The following LILRB3 variants were observed in gnomAD, a reference collection of about 807,000 sequenced individuals.
LILRB3 encodes the protein leukocyte immunoglobulin like receptor B3, also known as leukocyte immunoglobulin-like receptor subfamily B member 3.
A neutral mutation model predicts 68.2 loss-of-function variants in LILRB3; 32 were observed. The observed-to-expected ratio is 0.47, with a 90% CI of 0.35 to 0.63. The LOEUF is 0.63. LILRB3 is among the 30% of genes least tolerant of loss of function. The pLI, the probability that LILRB3 is intolerant of heterozygous loss-of-function variation, is 0.00. For missense variants in LILRB3, 502 were observed against 791.3 expected (o/e 0.63, Z 4.39); for synonymous variants, 185 against 323.1 (o/e 0.57, Z 4.58).
At chr19:54,219,580 C>G in intron 7 of LILRB3, 2 of 1,547,294 alleles carry the variant, frequency 1.3e-6, no homozygotes, top group Non-Finnish European at 1.7e-6. Flanking sequence ...CCCTCCCCTG[C>G]CCCAGGTCAC....
intron 9 of LILRB3, 40 bp from the exon 10 acceptor site, chr19:54,218,722 C>T (rs2147255930): frequency 1.2e-6 from 2 of 1,614,074 alleles, no homozygotes; most frequent in Non-Finnish European, 1.7e-6. Context: ...AGTGTATGGG[C>T]TGTGGTGGGT....
chr19:54,219,910 T>C lies in LILRB3; in HGVS notation c.1309+245A>G. 1.9e-6 allele frequency: 3 copies of C among 1,544,412 alleles called. No individual in the cohort carries two copies. The South Asian group carries it at 3.6e-5, about 18-fold the overall frequency. ...CCCTGGGGGGTTAAGGGGCTGGTCC[T>C]CAGGACCTCCTGGGTCAGGACAGGG... On this transcript the variant is annotated intron_variant, in intron 7 of 12. Coordinates refer to ENST00000445347, the Ensembl canonical transcript of LILRB3.
chr19:54,217,675 G>T (rs1304471606), intron 11 of LILRB3: 2 of 960,324 alleles, frequency 2.1e-6, no homozygotes, highest in East Asian at 2.6e-5. Flanking sequence ...TGCCCATTTG[G>T]CTGCAGCCTC....
exon 13 of LILRB3, chr19:54,216,496 G>C (rs1253640466): frequency 1.9e-5 from 7 of 373,310 alleles, no homozygotes; most frequent in Non-Finnish European, 2.6e-5. Context: ...ATTTTTAGTA[G>C]AGACGGGGTT....
chr19:54,218,574 C>G lies in LILRB3; in HGVS notation c.1540+71G>C, dbSNP rs201622263. The G allele has an allele frequency of 1.8e-5, 29 of 1,611,794 alleles. No individual in the cohort carries two copies. The East Asian group carries it at 6.5e-4, about 36-fold the overall frequency. The stretch of plus-strand genomic sequence containing the variant: ...GAGCCCCAGACCCTTCCCAGCCCCT[C>G]CCTGTTGCTACTGAAATTTTGGGAC... On this transcript the variant is annotated intron_variant, in intron 10 of 12. Transcript: ENST00000445347.
At chr19:54,219,547 C>G (rs568579830) in intron 7 of LILRB3, 4 of 1,550,420 alleles carry the variant, frequency 2.6e-6, no homozygotes, top group East Asian at 2.4e-5. Flanking sequence ...AGAGCCTGAC[C>G]GTCCTGAACC....
chr19:54,218,644 C>T lies in LILRB3; in HGVS notation c.1540+1G>A. On this transcript the variant is annotated splice_donor_variant, in intron 10 of 12. Transcript: ENST00000445347. LOFTEE classifies it high-confidence loss of function. ...CCATTTGTCCCCTCTCTTCCTCTTACAGAGGTTTTCTTCCTGGACGTCAGC... is the reference window on the plus strand; with the variant it reads ...CCATTTGTCCCCTCTCTTCCTCTTATAGAGGTTTTCTTCCTGGACGTCAGC... 2.5e-6 allele frequency: 4 copies of T among 1,614,190 alleles called. No homozygotes were observed. Among genetic ancestry groups the T allele is most frequent in the Non-Finnish European group, 3.4e-6 (4 of 1,180,032 alleles).
intron 7 of LILRB3, chr19:54,219,690 G>C (rs758789383): frequency 2.0e-6 from 2 of 984,976 alleles, no homozygotes; most frequent in Admixed American, 6.1e-5. Context: ...CTGGGGGTCA[G>C]AGCTGAAAGG....
Position 54,217,311 on chromosome 19 carries a change from G to A in LILRB3, c.1749+8C>T, listed in dbSNP as rs563495159. ...GAGGCCTGGGGGCCTGGAGAGGAAA[G>A]GACTCACCTCAGTGTCCATCTGCCT... On this transcript the variant is annotated splice_region_variant and intron_variant, in intron 12 of 12. Transcript: ENST00000445347. The A allele has an allele frequency of 6.9e-5, 109 of 1,590,420 alleles. 2 individuals carry two copies. In the Middle Eastern group the frequency reaches 1.2e-3, roughly 17 times the overall value.
At chr19:54,219,142 T>C in exon 8 of LILRB3, 1 of 1,601,988 alleles carries the variant, frequency 6.2e-7, no homozygotes, top group Non-Finnish European at 8.5e-7. Flanking sequence ...ATGTCCTGTG[T>C]TTGCTGTGAC....
At chr19:54,216,897 TGC>T in exon 13 of LILRB3, 3 of 1,439,146 alleles carry the variant, frequency 2.1e-6, no homozygotes, top group Non-Finnish European at 2.7e-6. Context: ...AGAAGTCTGT[TGC>T]TTTATTTCCA....
At chr19:54,216,829 C>A in exon 13 of LILRB3, 1 of 1,363,278 alleles carries the variant, frequency 7.3e-7, no homozygotes, top group Non-Finnish European at 9.5e-7. Context: ...AGTACCACAC[C>A]CGGCCTTTAC....
intron 7 of LILRB3, 93 bp from the exon 8 acceptor site, chr19:54,219,338 C>A (rs2077838786): frequency 1.4e-6 from 2 of 1,480,044 alleles, no homozygotes; most frequent in East Asian, 4.9e-5. Context: ...TCGTGACCTC[C>A]AACCCTCACA....
chr19:54,219,274 T>C, intron 7 of LILRB3, 29 bp from the exon 8 acceptor site: 3 of 1,520,076 alleles, frequency 2.0e-6, no homozygotes, highest in Non-Finnish European at 2.6e-6. Flanking sequence ...GGAGTGGGAA[T>C]GATGTCATTG....
chr19:54,217,128 C>T (rs1340439329), exon 13 of LILRB3: 1 of 1,614,174 alleles, frequency 6.2e-7, no homozygotes, highest in South Asian at 1.1e-5. Context: ...ATGCTGGGCT[C>T]AGCTGGAGGT....
exon 13 of LILRB3, chr19:54,216,531 C>A: frequency 1.6e-6 from 1 of 637,906 alleles, no homozygotes; most frequent in Admixed American, 5.8e-5. Flanking sequence ...AGGATGGTCT[C>A]GATCTCCTGA....
exon 12 of LILRB3, chr19:54,217,340 C>G (rs1048244880): frequency 3.8e-6 from 6 of 1,585,426 alleles, no homozygotes; most frequent in Non-Finnish European, 5.1e-6. Context: ...TCTGCCTGTC[C>G]TCTTCCACCT....
exon 3 of LILRB3, chr19:54,222,337 T>C (rs1458279761): frequency 1.2e-6 from 2 of 1,605,016 alleles, no homozygotes; most frequent in Non-Finnish European, 1.7e-6. Flanking sequence ...GCTGTAATAG[T>C]GGCAGCGGTA....
rs2077735053 is a variant in LILRB3 at position 54,218,644 on chromosome 19, C to G, written c.1540+1G>C. On this transcript the variant is annotated splice_donor_variant, in intron 10 of 12. Transcript: ENST00000445347. LOFTEE classifies it high-confidence loss of function. Reference sequence around the variant, plus strand: ...CCATTTGTCCCCTCTCTTCCTCTTACAGAGGTTTTCTTCCTGGACGTCAGC... The same window carrying G: ...CCATTTGTCCCCTCTCTTCCTCTTAGAGAGGTTTTCTTCCTGGACGTCAGC... 1.9e-6 allele frequency: 3 copies of G among 1,614,072 alleles called. No individual in the cohort carries two copies. Among genetic ancestry groups the G allele is most frequent in the Admixed American group, 3.3e-5 (2 of 60,002 alleles).
Sources: allele counts gnomAD v4.1 joint callset, GRCh38; gene constraint gnomAD v4.1.1; transcripts MANE v1.5; gene names NCBI Gene and HGNC (gene_info 2026-07-23, HGNC 2026-07-21).